The following AOAH variants were observed in gnomAD, a reference collection of about 807,000 sequenced individuals.
AOAH encodes the protein acyloxyacyl hydrolase.
A neutral mutation model predicts 92.2 loss-of-function variants in AOAH; 64 were observed. The ratio of observed to expected loss-of-function variants is 0.69; its 90% CI spans 0.57 to 0.86. The LOEUF (loss-of-function observed/expected upper bound fraction) is 0.86, where lower values mean the gene tolerates loss of function less well. AOAH is among the 40% of genes least tolerant of loss of function. AOAH has a pLI of 0.00. For synonymous variants in AOAH, 263 were observed against 254.5 expected, an observed-to-expected ratio of 1.03 and a Z score of -0.32; for missense variants, 656 against 694.6, an observed-to-expected ratio of 0.94 and a Z score of 0.62.
chr7:36,528,518 G>A (rs929239621), intron 19 of AOAH, among the ~76,000 whole-genome samples: 7 of 152,086 alleles, frequency 4.6e-5, no homozygotes, highest in Non-Finnish European at 7.4e-5. Flanking sequence ...ATAGCTCCTG[G>A]CACATAGCAG....
intron 11 of AOAH, among the ~76,000 whole-genome samples, chr7:36,609,866 G>C (rs1405706418): frequency 6.6e-6 from 1 of 151,978 alleles, no homozygotes; most frequent in Non-Finnish European, 1.5e-5. Flanking sequence ...ATTAATTGTT[G>C]CATGAACAGT....
intron 4 of AOAH, among the ~76,000 whole-genome samples, chr7:36,639,259 G>A (rs559934031): frequency 7.2e-5 from 11 of 152,338 alleles, no homozygotes; most frequent in African/African-American, 2.6e-4. Flanking sequence ...CATAGTCAGT[G>A]TAACAGACAC....
chr7:36,575,203 C>CTT (rs1206042282), intron 13 of AOAH, among the ~76,000 whole-genome samples: 1 of 152,178 alleles, frequency 6.6e-6, no homozygotes, highest in African/African-American at 2.4e-5. Context: ...TAGTGTTCAA[C>CTT]TTGCAGAGGG....
In AOAH at chr7:36,620,919, G is replaced by T; in HGVS notation, c.654-90C>A. On this transcript the variant is annotated intron_variant, in intron 8 of 20. Coordinates refer to ENST00000617537, the MANE Select transcript of AOAH (RefSeq NM_001637.4). ...TGCATGAATGAATGAATGAATGAAT[G>T]AATGCTACACGAAGTGCCATGGAGA... 3.3e-6 allele frequency: 4 copies of T among 1,203,610 alleles called. No individual in the cohort carries two copies. In the South Asian group the frequency reaches 5.2e-5, roughly 16 times the overall value. The allele number at this position is 1,203,610 out of a possible 1,614,324, so 74.6% of individuals were successfully genotyped here. A position where few individuals can be genotyped will look rare whatever the true frequency, so the allele number is the denominator to read the frequency against.
intron 19 of AOAH, among the ~76,000 whole-genome samples, chr7:36,527,911 T>C (rs1324748708): frequency 6.6e-6 from 1 of 152,082 alleles, no homozygotes; most frequent in Non-Finnish European, 1.5e-5. Flanking sequence ...CTTTGGAAAA[T>C]GCTAAAATTT....
At chr7:36,591,375 G>C (rs970119861) in intron 12 of AOAH, among the ~76,000 whole-genome samples, 1 of 152,184 alleles carries the variant, frequency 6.6e-6, no homozygotes, top group African/African-American at 2.4e-5. Flanking sequence ...TTTGTAAGCA[G>C]TAATAGAGAA....
intron 1 of AOAH, among the ~76,000 whole-genome samples, chr7:36,692,666 T>C (rs145568359): frequency 2.4e-4 from 36 of 152,278 alleles, no homozygotes; most frequent in African/African-American, 8.4e-4. Flanking sequence ...TTTAGAAATA[T>C]ACTAAAAATG....
chr7:36,720,438 T>C (rs1014758583), intron 1 of AOAH, among the ~76,000 whole-genome samples: 1 of 152,134 alleles, frequency 6.6e-6, no homozygotes, highest in East Asian at 1.9e-4. Flanking sequence ...CCCAAAGTGC[T>C]GGGATTACAG....
At chr7:36,711,780 G>C (rs1214774815) in intron 1 of AOAH, among the ~76,000 whole-genome samples, 2 of 152,028 alleles carry the variant, frequency 1.3e-5, no homozygotes, top group African/African-American at 2.4e-5. Flanking sequence ...TCAGATGCAG[G>C]GCCAATGTCC....
At chr7:36,604,261 A>G (rs1376773645) in intron 11 of AOAH, among the ~76,000 whole-genome samples, 1 of 152,234 alleles carries the variant, frequency 6.6e-6, no homozygotes, top group Non-Finnish European at 1.5e-5. Context: ...ATTAAATAAG[A>G]TAATGTTAAA....
chr7:36,691,740 G>A (rs1302583586), intron 1 of AOAH, among the ~76,000 whole-genome samples: 1 of 152,312 alleles, frequency 6.6e-6, no homozygotes, highest in East Asian at 1.9e-4. Flanking sequence ...CCCATGAAGT[G>A]ATGGTGTCTA....
intron 11 of AOAH, among the ~76,000 whole-genome samples, chr7:36,603,568 A>T (rs1010803802): frequency 6.6e-6 from 1 of 152,176 alleles, no homozygotes; most frequent in Non-Finnish European, 1.5e-5. Context: ...GTAAAGGAAT[A>T]GACAGTAAAT....
intron 15 of AOAH, among the ~76,000 whole-genome samples, chr7:36,541,966 CT>C (rs1785456520): frequency 6.6e-6 from 1 of 152,176 alleles, no homozygotes; most frequent in African/African-American, 2.4e-5. Context: ...GTTACTTTCT[CT>C]TTTGTGTACT....
chr7:36,697,972 A>T (rs1797821963), intron 1 of AOAH, among the ~76,000 whole-genome samples: 1 of 152,236 alleles, frequency 6.6e-6, no homozygotes, highest in Non-Finnish European at 1.5e-5. Flanking sequence ...TAGGAGAAAG[A>T]GGTGGACACC....
At chr7:36,660,248 G>A (rs888149920) in intron 3 of AOAH, among the ~76,000 whole-genome samples, 8 of 152,138 alleles carry the variant, frequency 5.3e-5, no homozygotes, top group South Asian at 2.1e-4. Context: ...CTCTTCACAC[G>A]GACGTGCTTG....
intron 19 of AOAH, among the ~76,000 whole-genome samples, chr7:36,523,629 GTT>G (rs57628897): frequency 1.0e-4 from 10 of 100,136 alleles, no homozygotes; most frequent in African/African-American, 4.1e-4. Context: ...TGTTTTGCCT[GTT>G]TTTTTTTTTT....
chr7:36,678,600 T>TGTGTGTGTGC lies in AOAH; in HGVS notation c.224-4592_224-4591insGCACACACAC, dbSNP rs549317369. The stretch of plus-strand genomic sequence containing the variant: ...GTGTGTGTGTGTGTGTGTGTGTGTG[T>TGTGTGTGTGC]GCGCGCGCGCGCGCGTTAGAATTCT... On this transcript the variant is annotated intron_variant, in intron 2 of 20. Coordinates refer to ENST00000617537, the MANE Select transcript of AOAH (RefSeq NM_001637.4). 3.5e-3 allele frequency among the ~76,000 whole-genome samples: 453 copies of TGTGTGTGTGC among 130,942 alleles called. 4 individuals carry two copies. Among genetic ancestry groups the TGTGTGTGTGC allele is most frequent in the South Asian group, 7.6e-3 (27 of 3,552 alleles). The allele number at this position is 130,942 out of a possible 152,430, so 85.9% of individuals were successfully genotyped here.
intron 13 of AOAH, among the ~76,000 whole-genome samples, chr7:36,565,793 G>A (rs1562574840): frequency 6.6e-6 from 1 of 151,850 alleles, no homozygotes; most frequent in African/African-American, 2.4e-5. Context: ...TACCTGCTTC[G>A]GCTTCCCAAT....
chr7:36,557,747 G>A (rs1224228815), intron 13 of AOAH, among the ~76,000 whole-genome samples: 5 of 151,830 alleles, frequency 3.3e-5, no homozygotes, highest in South Asian at 2.1e-4. Flanking sequence ...ATCTTCCATC[G>A]CTGATACCCT....
Sources: allele counts gnomAD v4.1 joint callset (sites outside exome capture counted in the v4.1 genomes callset), GRCh38; gene constraint gnomAD v4.1.1; transcripts MANE v1.5; gene names NCBI Gene and HGNC (gene_info 2026-07-23, HGNC 2026-07-21).